The following DDX25 variants were observed in gnomAD, a reference collection of about 807,000 sequenced individuals.
The protein encoded by DDX25 is DEAD-box helicase 25.
Under a neutral mutation model 64.6 loss-of-function variants are expected in DDX25, and 70 were observed. That is an observed-to-expected ratio of 1.08 (90% CI 0.89 to 1.32). The LOEUF (loss-of-function observed/expected upper bound fraction) is 1.32. Among genes scored for constraint, DDX25 ranks in the 40% most tolerant of loss-of-function variants. DDX25 has a pLI of 0.00. For synonymous variants in DDX25, 211 were observed against 213.3 expected (o/e 0.99, Z 0.09); for missense variants, 587 against 604.4 (o/e 0.97, Z 0.30).
chr11:125,913,820 A>C (rs922180129), intron 8 of DDX25, among the ~76,000 whole-genome samples: 4 of 151,896 alleles, frequency 2.6e-5, no homozygotes, highest in African/African-American at 7.3e-5. Context: ...AAAGTGACCA[A>C]CTTTTTAGAG....
chr11:125,907,419 T>C lies in DDX25; in HGVS notation c.312-777T>C, dbSNP rs566284217. ...GTCAGGAGATCGAGACCATCCTGGC[T>C]AACACAGTGAAACCCCGTCTCTACT... On this transcript the variant is annotated intron_variant, in intron 4 of 11. Coordinates refer to ENST00000263576, the MANE Select transcript of DDX25 (RefSeq NM_013264.5). 1.3e-3 allele frequency among the ~76,000 whole-genome samples: 202 copies of C among 152,172 alleles called. 1 individual carries two copies. The highest frequency in any genetic ancestry group is 6.8e-3 in the Middle Eastern group (2 of 294).
At position 125,907,563 on chromosome 11, in the gene DDX25, G is replaced by C. The variant is rs1003661419; in HGVS notation, c.312-633G>C. Among the ~76,000 whole-genome samples, 18 of 151,976 alleles carry C rather than the reference G, an allele frequency of 1.2e-4. No homozygotes were observed. The East Asian group carries it at 1.9e-3, about 16-fold the overall frequency. On this transcript the variant is annotated intron_variant, in intron 4 of 11. Coordinates refer to ENST00000263576, the MANE Select transcript of DDX25 (RefSeq NM_013264.5). ...GTGGAGCTTGCAGTGAGCTGAGGTC[G>C]CGCCACTGCACTCCAGCCTGGGCGA... is the stretch of plus-strand genomic sequence containing the variant.
At chr11:125,903,713 A>T (rs1189519889), upstream of DDX25, among the ~76,000 whole-genome samples, 1 of 121,134 alleles carries the variant, frequency 8.3e-6, no homozygotes, top group Admixed American at 1.1e-4. Context: ...AATTCCAGAA[A>T]TGCTGATCAA....
intron 10 of DDX25, among the ~76,000 whole-genome samples, chr11:125,920,351 C>T (rs1274490921): frequency 3.9e-5 from 6 of 151,916 alleles, no homozygotes; most frequent in African/African-American, 1.2e-4. Flanking sequence ...ACAGGAGAAT[C>T]GCTTGAACCC....
At chr11:125,904,419 C>T, upstream of DDX25, 1 of 1,188,916 alleles carries the variant, frequency 8.4e-7, no homozygotes, top group Non-Finnish European at 1.1e-6. Context: ...ACGCGGACGC[C>T]TGCCCCCTAA....
In DDX25 at chr11:125,924,095, T is replaced by A. The variant is rs545307022; in HGVS notation, c.*1214T>A. The A allele has an allele frequency of 6.6e-6, 1 of 152,134 alleles. No individual in the cohort carries two copies. Among genetic ancestry groups the A allele is most frequent in the South Asian group, 2.1e-4 (1 of 4,828 alleles). 9.4% of individuals were successfully genotyped at this position (152,134 alleles called of 1,614,324 possible). ...GCCTTACCAACATGGTGAAACCCCT[T>A]CTCTACTAAAAATATAAAAATTAGC... On this transcript the variant is annotated 3_prime_UTR_variant, in exon 12 of 12. Transcript: ENST00000263576.
In DDX25 at chr11:125,921,191, G is replaced by A. The variant is rs1209560533; in HGVS notation, c.1202G>A (p.Gly401Glu). ...VLITTNVCAR[G>E]IDVKQVTIVV... ...CCCTACAGTGTTTTTCCTCTTCTAGGGATTGATGTGAAGCAGGTCACAATT... is the reference window on the plus strand; with the variant it reads ...CCCTACAGTGTTTTTCCTCTTCTAGAGATTGATGTGAAGCAGGTCACAATT... The change falls in exon 11 of 12, where the codon GGG becomes GAG. Residue 401 changes from glycine to glutamate, a missense_variant and splice_region_variant. Transcript: ENST00000263576. This position sits in a 1 kb window ranked among gnomAD's most constrained non-coding sequence, Gnocchi z 4.1. 3 of 1,609,354 alleles carry A rather than the reference G, an allele frequency of 1.9e-6. No homozygotes were observed. Among genetic ancestry groups the A allele is most frequent in the Non-Finnish European group, 2.5e-6 (3 of 1,178,278 alleles).
At chr11:125,916,019 C>A (rs1273347086) in intron 8 of DDX25, among the ~76,000 whole-genome samples, 1 of 152,136 alleles carries the variant, frequency 6.6e-6, no homozygotes, top group Non-Finnish European at 1.5e-5. Context: ...CACAGGTAGA[C>A]GGTCTGACAT....
chr11:125,921,521 C>A lies in DDX25; in HGVS notation c.1390+142C>A. 1 of 876,080 alleles carries A rather than the reference C, an allele frequency of 1.1e-6. No homozygotes were observed. Among genetic ancestry groups the A allele is most frequent in the Admixed American group, 2.9e-5 (1 of 34,326 alleles). 54.3% of individuals were successfully genotyped at this position (876,080 alleles called of 1,614,324 possible). ...GCTGGAAGGCTTCTAATTCACAGGA[C>A]CAGGGTTCTAATATGAGACAGATGA... is the stretch of plus-strand genomic sequence containing the variant. On this transcript the variant is annotated intron_variant, in intron 11 of 11. Transcript: ENST00000263576. The surrounding 1 kb of genome is among the most constrained non-coding windows in gnomAD (Gnocchi z 4.1).
chr11:125,920,158 C>T (rs532516145), intron 10 of DDX25, among the ~76,000 whole-genome samples: 4 of 152,206 alleles, frequency 2.6e-5, no homozygotes, highest in East Asian at 1.9e-4. Context: ...TTTGCAGGGG[C>T]GGGTGCGGTG....
At chr11:125,911,521 C>T (rs752662473) in intron 8 of DDX25, 33 bp downstream of exon 8, 1 of 1,596,006 alleles carries the variant, frequency 6.3e-7, no homozygotes, top group South Asian at 1.1e-5. Flanking sequence ...CTTCCTCAGC[C>T]TTCTGTCCAG....
In DDX25 at chr11:125,912,637, AGTT is replaced by A. The variant is rs745831098; in HGVS notation, c.800+1153_800+1155del. On this transcript the variant is annotated intron_variant, in intron 8 of 11. Coordinates refer to ENST00000263576, the MANE Select transcript of DDX25 (RefSeq NM_013264.5). The stretch of plus-strand genomic sequence containing the variant: ...TTTTTTCCAAATATTTTTGATCCAC[AGTT>A]GTTTGAATCCACAGATGCAGAGCCC... Among the ~76,000 whole-genome samples the A allele has an allele frequency of 2.6e-5, 4 of 152,320 alleles. No homozygotes were observed. In the East Asian group the frequency reaches 5.8e-4, roughly 22 times the overall value.
intron 10 of DDX25, among the ~76,000 whole-genome samples, chr11:125,919,166 C>G (rs2134283618): frequency 6.6e-6 from 1 of 152,266 alleles, no homozygotes; most frequent in Non-Finnish European, 1.5e-5. Flanking sequence ...TGATAGTATT[C>G]TATTGACAGT....
rs1945153778 is a variant in DDX25, at chr11:125,924,833, C to G, written c.*1952C>G. 1 of 152,418 alleles carries G rather than the reference C, an allele frequency of 6.6e-6. No homozygotes were observed. The highest frequency in any genetic ancestry group is 1.5e-5 in the Non-Finnish European group (1 of 68,222). 9.4% of individuals were successfully genotyped at this position (152,418 alleles called of 1,614,324 possible). On this transcript the variant is annotated 3_prime_UTR_variant, in exon 12 of 12. Coordinates refer to ENST00000263576, the MANE Select transcript of DDX25 (RefSeq NM_013264.5). ...AGGCCCTTGGGGACAGAACTTGTAACACATGGAACTCCTGCTGCTCGGTGT... is the reference window on the plus strand; with the variant it reads ...AGGCCCTTGGGGACAGAACTTGTAAGACATGGAACTCCTGCTGCTCGGTGT...
upstream of DDX25, among the ~76,000 whole-genome samples, chr11:125,903,666 A>T (rs977354941): frequency 4.1e-5 from 6 of 144,956 alleles, no homozygotes; most frequent in Admixed American, 1.5e-4. Flanking sequence ...AGAGATCATG[A>T]CTGCAGTTTC....
rs777480539 is a variant in DDX25, at chr11:125,921,182, C to T, written c.1202-9C>T. The stretch of plus-strand genomic sequence containing the variant: ...ATTGCAGGACCCTACAGTGTTTTTC[C>T]TCTTCTAGGGATTGATGTGAAGCAG... On this transcript the variant is annotated splice_polypyrimidine_tract_variant and intron_variant, in intron 10 of 11. Coordinates refer to ENST00000263576, the MANE Select transcript of DDX25 (RefSeq NM_013264.5). The surrounding 1 kb of genome is among the most constrained non-coding windows in gnomAD (Gnocchi z 4.1). The T allele has an allele frequency of 7.5e-6, 12 of 1,606,110 alleles. No individual in the cohort carries two copies. Among genetic ancestry groups the T allele is most frequent in the South Asian group, 3.3e-5 (3 of 89,654 alleles).
At chr11:125,917,348 G>A in intron 9 of DDX25, 97 bp downstream of exon 9, 1 of 1,146,140 alleles carries the variant, frequency 8.7e-7, no homozygotes, top group Non-Finnish European at 1.2e-6. Flanking sequence ...ACCATGTTCA[G>A]CACTTCTTGT....
At chr11:125,914,172 C>T (rs1209610319) in intron 8 of DDX25, among the ~76,000 whole-genome samples, 2 of 152,132 alleles carry the variant, frequency 1.3e-5, no homozygotes, top group African/African-American at 4.8e-5. Flanking sequence ...CAGAACGTTC[C>T]TCTTTATATG....
chr11:125,912,316 A>G (rs1202997935), intron 8 of DDX25, among the ~76,000 whole-genome samples: 1 of 152,118 alleles, frequency 6.6e-6, no homozygotes, highest in Non-Finnish European at 1.5e-5. Context: ...CTCTGTAATT[A>G]TGTCATGAAT....
Sources: gnomAD v4.1 joint callset for allele counts (sites outside exome capture counted in the v4.1 genomes callset) on GRCh38, gnomAD v4.1.1 for gene constraint, Gnocchi (gnomAD v3.1) non-coding constraint, MANE v1.5 for transcripts, NCBI Gene and HGNC (gene_info 2026-07-23, HGNC 2026-07-21) for gene names.